Variants in KAZN observed in about 807,000 individuals in gnomAD.
The protein encoded by KAZN is kazrin, periplakin interacting protein, also known as kazrin.
In KAZN, 40 loss-of-function variants were observed where a neutral mutation model predicts 87.4. That is an observed-to-expected ratio of 0.46 (90% CI 0.36 to 0.60). The LOEUF (loss-of-function observed/expected upper bound fraction) is 0.60. Among genes scored for constraint, KAZN ranks in the 20% least tolerant of loss-of-function variants. The pLI is 0.00. For missense variants in KAZN, 898 were observed against 1,073.9 expected, an observed-to-expected ratio of 0.84 and a Z score of 2.29; for synonymous variants, 466 against 458.3, an observed-to-expected ratio of 1.02 and a Z score of -0.22.
intron 2 of KAZN, among the ~76,000 whole-genome samples, chr1:14,461,021 A>G (rs1419730900): frequency 6.6e-6 from 1 of 152,166 alleles, no homozygotes; most frequent in Non-Finnish European, 1.5e-5. Flanking sequence ...TGCCATAACC[A>G]GGCTGGCTAG....
At chr1:14,716,027 A>T (rs908808201) in intron 1 of KAZN, among the ~76,000 whole-genome samples, 1 of 152,216 alleles carries the variant, frequency 6.6e-6, no homozygotes, top group African/African-American at 2.4e-5. Flanking sequence ...TGAAATATTG[A>T]AAGGCTTGGA....
At chr1:14,723,670 C>T (rs1049466188) in intron 1 of KAZN, among the ~76,000 whole-genome samples, 2 of 152,212 alleles carry the variant, frequency 1.3e-5, no homozygotes, top group African/African-American at 4.8e-5. Context: ...TCTCCTTTTC[C>T]ACCCGAGTGC....
rs115560320 is a variant in KAZN at position 14,454,461 on chromosome 1, A to G, written c.250-144522A>G. Among the ~76,000 whole-genome samples the G allele has an allele frequency of 5.1e-3, 776 of 152,328 alleles. 6 individuals carry two copies. Among genetic ancestry groups the G allele is most frequent in the African/African-American group, 0.018 (730 of 41,582 alleles). ...TAAGCAACTTGAGGACAAAGATATC[A>G]TGTCTCACTGTCTTCAGAATTCCCC... is the stretch of plus-strand genomic sequence containing the variant. On this transcript the variant is annotated intron_variant, in intron 2 of 16. Transcript: ENST00000636203.
chr1:14,858,562 C>T (rs1393109942), intron 1 of KAZN, among the ~76,000 whole-genome samples: 3 of 152,154 alleles, frequency 2.0e-5, no homozygotes, highest in African/African-American at 4.8e-5. Flanking sequence ...ACGTTTGGGT[C>T]GTTTCCACCT....
At chr1:14,899,675 C>T (rs1655643567) in intron 1 of KAZN, among the ~76,000 whole-genome samples, 1 of 152,110 alleles carries the variant, frequency 6.6e-6, no homozygotes, top group Non-Finnish European at 1.5e-5. Flanking sequence ...CTGTCCATTC[C>T]CCTCCCCAGG....
intron 10 of KAZN, among the ~76,000 whole-genome samples, chr1:15,095,329 G>A (rs1014064342): frequency 1.3e-5 from 2 of 152,208 alleles, no homozygotes; most frequent in African/African-American, 2.4e-5. Context: ...ACGGTGCAAG[G>A]CAGAGCCGAG....
At position 15,036,785 on chromosome 1, in the gene KAZN, G is replaced by A. The variant is rs547807265; in HGVS notation, c.555+1900G>A. Among the ~76,000 whole-genome samples, 7 of 152,292 alleles carry A rather than the reference G, an allele frequency of 4.6e-5. No homozygotes were observed. The East Asian group carries it at 1.4e-3, about 29-fold the overall frequency. ...GTGTGCTCACAGGGGCGTGCTGTGG[G>A]AGTTACGGCATGTACTTCAAGGGCT... is the stretch of plus-strand genomic sequence containing the variant. On this transcript the variant is annotated intron_variant, in intron 3 of 14. Transcript: ENST00000376030.
intron 8 of KAZN, among the ~76,000 whole-genome samples, chr1:15,078,755 C>G (rs184023105): frequency 2.1e-4 from 32 of 152,276 alleles, no homozygotes; most frequent in African/African-American, 7.7e-4. Flanking sequence ...GCTGCCGCTA[C>G]GGGACCTCCA....
chr1:15,005,642 A>G (rs1258248609), intron 2 of KAZN, among the ~76,000 whole-genome samples: 1 of 151,942 alleles, frequency 6.6e-6, no homozygotes, highest in Non-Finnish European at 1.5e-5. Flanking sequence ...TTTAAAAATA[A>G]CTAGACATAG....
intron 1 of KAZN, among the ~76,000 whole-genome samples, chr1:14,667,869 C>T (rs923626706): frequency 1.3e-5 from 2 of 152,002 alleles, no homozygotes; most frequent in African/African-American, 4.8e-5. Flanking sequence ...CTATACAACT[C>T]GGAGTGATCA....
intron 2 of KAZN, among the ~76,000 whole-genome samples, chr1:14,990,485 A>G (rs1376599942): frequency 1.3e-5 from 2 of 152,112 alleles, no homozygotes; most frequent in South Asian, 2.1e-4. Flanking sequence ...TGGCCTCCCA[A>G]AGTGTTGTGA....
chr1:14,856,146 A>G lies in KAZN; in HGVS notation c.227-104538A>G, dbSNP rs1285409865. 6.6e-6 allele frequency among the ~76,000 whole-genome samples: 1 copy of G among 152,030 alleles called. No homozygotes were observed. The highest frequency in any genetic ancestry group is 1.5e-5 in the Non-Finnish European group (1 of 68,022). On this transcript the variant is annotated intron_variant, in intron 1 of 14. Coordinates refer to ENST00000376030, the MANE Select transcript of KAZN (RefSeq NM_201628.3). This position sits in a 1 kb window ranked among gnomAD's most constrained non-coding sequence, Gnocchi z 5.2. ...GCAAGGGTCTGTGCTATAAAATCAG[A>G]CTCTGAGGGTGGTCAGGGAGGCTGC...
At chr1:15,051,924 CTT>C (rs1192349418) in intron 4 of KAZN, among the ~76,000 whole-genome samples, 2 of 152,228 alleles carry the variant, frequency 1.3e-5, no homozygotes, top group African/African-American at 4.8e-5. Context: ...TTCTGTCTGA[CTT>C]TTGTCAAATG....
Position 14,959,369 on chromosome 1 carries a change from A to G in KAZN, c.227-1315A>G, listed in dbSNP as rs113837724. On this transcript the variant is annotated intron_variant, in intron 1 of 14. Transcript: ENST00000376030. ...AGGGCACTGCAGAGACAAAGGCCCT[A>G]TGCTGGAAAGAGTGTGGCATATTGT... Among the ~76,000 whole-genome samples, 348 of 152,336 alleles carry G rather than the reference A, an allele frequency of 2.3e-3. 1 individual carries two copies. The highest frequency in any genetic ancestry group is 7.6e-3 in the African/African-American group (316 of 41,582).
intron 13 of KAZN, among the ~76,000 whole-genome samples, chr1:15,109,928 T>TAC (rs2100740491): frequency 1.2e-5 from 1 of 82,856 alleles, no homozygotes; most frequent in East Asian, 2.7e-4. Context: ...TGTATGGGTG[T>TAC]GTGTGTGTGT....
intron 8 of KAZN, among the ~76,000 whole-genome samples, chr1:15,092,060 G>GTT (rs57460680): frequency 0.28 from 32,486 of 114,184 alleles, 4,859 homozygotes; most frequent in East Asian, 0.72. Flanking sequence ...TTGTTTTTTT[G>GTT]TTTTTTTTTT....
At chr1:15,097,113 TGAG>T (rs1476783672) in intron 10 of KAZN, among the ~76,000 whole-genome samples, 13 of 152,230 alleles carry the variant, frequency 8.5e-5, no homozygotes, top group African/African-American at 3.1e-4. Flanking sequence ...GTTTCCCACC[TGAG>T]AAGTGAAGGG....
At chr1:14,138,101 GTGTGTGTA>G (rs1049280819) in intron 1 of KAZN, among the ~76,000 whole-genome samples, 5 of 151,986 alleles carry the variant, frequency 3.3e-5, no homozygotes, top group African/African-American at 9.7e-5. Flanking sequence ...GTGTGTGTGT[GTGTGTGTA>G]TACATATCCT....
intron 2 of KAZN, among the ~76,000 whole-genome samples, chr1:14,465,375 G>A (rs1311158940): frequency 7.9e-6 from 1 of 126,206 alleles, no homozygotes; most frequent in Non-Finnish European, 1.6e-5. Context: ...CTCCAGCCTG[G>A]GCAACAGAGC....
Sources: gnomAD v4.1 joint callset for allele counts (sites outside exome capture counted in the v4.1 genomes callset) on GRCh38, gnomAD v4.1.1 for gene constraint, Gnocchi (gnomAD v3.1) non-coding constraint, MANE v1.5 for transcripts, NCBI Gene and HGNC (gene_info 2026-07-23, HGNC 2026-07-21) for gene names.